Variants in ZNF557 observed in about 807,000 individuals in gnomAD.
ZNF557 encodes zinc finger protein 557.
A neutral mutation model predicts 21.2 loss-of-function variants in ZNF557; 19 were observed. The ratio of observed to expected loss-of-function variants is 0.90; its 90% CI spans 0.63 to 1.32. The LOEUF (loss-of-function observed/expected upper bound fraction) is 1.32. ZNF557 is among the 40% of genes most tolerant of loss of function. The pLI, the probability that ZNF557 is intolerant of heterozygous loss-of-function variation, is 0.00. For synonymous variants in ZNF557, 207 were observed against 194.8 expected (o/e 1.06, Z -0.52); for missense variants, 487 against 519.8 (o/e 0.94, Z 0.61).
At chr19:7,072,280 T>C (rs879844177) in intron 2 of ZNF557, among the ~76,000 whole-genome samples, 7 of 150,414 alleles carry the variant, frequency 4.7e-5, no homozygotes, top group Non-Finnish European at 8.9e-5. Context: ...AAAAATTAGC[T>C]GGGCATGGTG....
chr19:7,081,419 A>G lies in ZNF557; in HGVS notation c.307A>G (p.Thr103Ala), dbSNP rs538697582. 3.7e-6 allele frequency: 6 copies of G among 1,613,954 alleles called. No individual in the cohort carries two copies. The African/African-American group carries it at 6.7e-5, about 18-fold the overall frequency. The change falls in exon 6 of 8, where the codon ACA becomes GCA. Residue 103 changes from threonine (T) to alanine (A), a missense_variant. Thr to Ala is a moderately conservative substitution (Grantham distance 58). Coordinates refer to ENST00000252840, the MANE Select transcript of ZNF557 (RefSeq NM_024341.3). ...GCTGGAGCAAGAAGATAAAGTGATG[A>G]CAGAAGAGAGAGGAATTCTCTCAGG... is the stretch of plus-strand genomic sequence containing the variant. ...SQLEQEDKVM[T>A]EERGILSGTC...
intron 2 of ZNF557, among the ~76,000 whole-genome samples, chr19:7,071,002 G>A (rs1977446841): frequency 6.6e-6 from 1 of 152,074 alleles, no homozygotes; most frequent in South Asian, 2.1e-4. Flanking sequence ...CTGACTTCAG[G>A]TGATCCACCC....
Position 7,078,453 on chromosome 19 carries a change from C to T in ZNF557, c.247+1946C>T, listed in dbSNP as rs534543625. Among the ~76,000 whole-genome samples the T allele has an allele frequency of 1.3e-4, 20 of 148,636 alleles. 1 individual carries two copies. In the South Asian group the frequency reaches 2.8e-3, roughly 21 times the overall value. On this transcript the variant is annotated intron_variant, in intron 5 of 7. Coordinates refer to ENST00000252840, the MANE Select transcript of ZNF557 (RefSeq NM_024341.3). ...TATATTCCTTTTTTTTTTTTTTTCC[C>T]GGAGTCTCACTCTGTCGCCCAGGCT...
At chr19:7,072,165 T>A (rs1051300809) in intron 2 of ZNF557, among the ~76,000 whole-genome samples, 6 of 145,808 alleles carry the variant, frequency 4.1e-5, no homozygotes. Flanking sequence ...GGCTCACACC[T>A]GTAATCCCAC....
chr19:7,083,457 A>G lies in ZNF557; in HGVS notation c.1006A>G (p.Thr336Ala). ...AACCTTCAGGAGGAGGTCGAATCTG[A>G]CACAGCACATAAGAACTCATACTGG... ...GRTFRRRSNL[T>A]QHIRTHTGEK... Residue 336 changes from threonine (T) to alanine (A), a missense_variant, in exon 8 of 8, where the codon ACA (threonine) becomes GCA (alanine). Physicochemically the swap from Thr to Ala is moderately conservative, Grantham distance 58 (BLOSUM62 0). Coordinates refer to ENST00000252840, the MANE Select transcript of ZNF557 (RefSeq NM_024341.3). The G allele has an allele frequency of 1.9e-6, 3 of 1,614,208 alleles. No individual in the cohort carries two copies. The highest frequency in any genetic ancestry group is 2.5e-6 in the Non-Finnish European group (3 of 1,180,028).
At chr19:7,075,220 GC>G in intron 3 of ZNF557, 115 bp downstream of exon 3, 1 of 1,442,924 alleles carries the variant, frequency 6.9e-7, no homozygotes, top group Non-Finnish European at 9.7e-7. Flanking sequence ...AGCCCCAGGG[GC>G]CCAGAGGTCC....
At chr19:7,076,582 G>A in intron 5 of ZNF557, 75 bp downstream of exon 5, 2 of 1,558,054 alleles carry the variant, frequency 1.3e-6, no homozygotes, top group Non-Finnish European at 1.7e-6. Flanking sequence ...TTAAATTGAG[G>A]TAACACAGGA....
In ZNF557 at chr19:7,083,651, A is replaced by G. The variant is rs768002557; in HGVS notation, c.1200A>G (p.Gly400=). ...AGAAACACATGAGAACTCACACTGG[A>G]AAAAAACCCTATGAATGTAATTATT... ...SVKKHMRTHT[G]KKPYECNYCG... Residue 400 remains glycine (G), a synonymous_variant, in exon 8 of 8, where the codon GGA becomes GGG. Coordinates refer to ENST00000252840, the MANE Select transcript of ZNF557 (RefSeq NM_024341.3). 3 of 1,613,280 alleles carry G rather than the reference A, an allele frequency of 1.9e-6. No homozygotes were observed. The highest frequency in any genetic ancestry group is 2.2e-5 in the East Asian group (1 of 44,856).
rs1447985486 is a variant in ZNF557, at chr19:7,084,316, G to A, written c.*572G>A. On this transcript the variant is annotated 3_prime_UTR_variant, in exon 8 of 8. Coordinates refer to ENST00000252840, the MANE Select transcript of ZNF557 (RefSeq NM_024341.3). Reference sequence around the variant, plus strand: ...ACATTTGGAACCATCTGGAAAACTTGCCATGAAATCAGTGGAGGAAAGCCT... The same window carrying A: ...ACATTTGGAACCATCTGGAAAACTTACCATGAAATCAGTGGAGGAAAGCCT... The A allele has an allele frequency of 6.6e-6, 1 of 152,334 alleles. No homozygotes were observed. Among genetic ancestry groups the A allele is most frequent in the African/African-American group, 2.4e-5 (1 of 41,362 alleles). The allele number at this position is 152,334 out of a possible 1,614,324, so 9.4% of individuals were successfully genotyped here.
At chr19:7,073,148 G>GTTTTTTTTTT (rs72453814) in intron 2 of ZNF557, among the ~76,000 whole-genome samples, 2 of 45,376 alleles carry the variant, frequency 4.4e-5, no homozygotes, top group Non-Finnish European at 5.3e-5. Context: ...TGTTTTTTTG[G>GTTTTTTTTTT]TTTTTTTTGT....
chr19:7,083,363 G>T lies in ZNF557; in HGVS notation c.912G>T (p.Arg304Ser). 2.5e-6 allele frequency: 4 copies of T among 1,614,218 alleles called. No homozygotes were observed. Among genetic ancestry groups the T allele is most frequent in the Non-Finnish European group, 3.4e-6 (4 of 1,180,046 alleles). The change falls in exon 8 of 8, where the codon AGG becomes AGT. Residue 304 changes from arginine to serine, a missense_variant. Physicochemically the swap from Arg to Ser is moderately radical, Grantham distance 110. Transcript: ENST00000252840. Reference protein sequence around the residue: ...CNQCGKAFGTRSSLSSHYSIH... With the variant: ...CNQCGKAFGTSSSLSSHYSIH... The stretch of plus-strand genomic sequence containing the variant: ...AGTGTGGAAAGGCTTTCGGCACGAG[G>T]TCATCTCTTTCTTCGCACTATAGCA...
chr19:7,072,948 A>G (rs1042997886), intron 2 of ZNF557, among the ~76,000 whole-genome samples: 1 of 152,068 alleles, frequency 6.6e-6, no homozygotes, highest in East Asian at 1.9e-4. Context: ...TGCAGAAGGG[A>G]TTTGAGAGGA....
Position 7,087,452 on chromosome 19 carries a change from A to G in ZNF557, c.*3708A>G, listed in dbSNP as rs1268026015. On this transcript the variant is annotated 3_prime_UTR_variant, in exon 8 of 8. Transcript: ENST00000252840. ...CTACTTGGAAGGCTGAGGCAGGAGA[A>G]TTGCTTCAAACTGGGCAGAGGTTGC... 6 of 151,346 alleles carry G rather than the reference A, an allele frequency of 4.0e-5. No homozygotes were observed. The highest frequency in any genetic ancestry group is 7.3e-5 in the African/African-American group (3 of 41,212). 9.4% of individuals were successfully genotyped at this position (151,346 alleles called of 1,614,324 possible).
At chr19:7,075,818 T>C in intron 4 of ZNF557, 75 bp downstream of exon 4, 2 of 1,569,154 alleles carry the variant, frequency 1.3e-6, no homozygotes, top group Non-Finnish European at 1.7e-6. Context: ...TTCAGTGGCC[T>C]GGAGCCCCAC....
At chr19:7,073,157 G>GTTTTTTTTT (rs552141577) in intron 2 of ZNF557, among the ~76,000 whole-genome samples, 1 of 136,072 alleles carries the variant, frequency 7.3e-6, no homozygotes, top group Non-Finnish European at 1.5e-5. Flanking sequence ...GGTTTTTTTT[G>GTTTTTTTTT]TTTTTTTTTT....
chr19:7,081,483 G>C, intron 6 of ZNF557, 28 bp downstream of exon 6: 1 of 1,478,042 alleles, frequency 6.8e-7, no homozygotes, highest in South Asian at 1.1e-5. Context: ...ATAAGTCCTT[G>C]TGAGGAACAG....
In ZNF557 at chr19:7,083,108, C is replaced by T. The variant is rs879041009; in HGVS notation, c.657C>T (p.Ser219=). ...ATGACTGTGGGAAAACCTTCAGCAGCAGATCTTACCTTACTGTTCATAAGA... is the reference window on the plus strand; with the variant it reads ...ATGACTGTGGGAAAACCTTCAGCAGTAGATCTTACCTTACTGTTCATAAGA... ...ECNDCGKTFS[S]RSYLTVHKRI... Residue 219 remains serine (S), a synonymous_variant, in exon 8 of 8, where the codon AGC becomes AGT. Coordinates refer to ENST00000252840, the MANE Select transcript of ZNF557 (RefSeq NM_024341.3). 6.2e-7 allele frequency: 1 copy of T among 1,613,722 alleles called. No individual in the cohort carries two copies.
chr19:7,074,298 G>T (rs542283351), intron 2 of ZNF557, among the ~76,000 whole-genome samples: 1 of 147,446 alleles, frequency 6.8e-6, no homozygotes, highest in African/African-American at 2.5e-5. Context: ...GAGCCACCGC[G>T]CCTGGCCAGC....
chr19:7,075,585 G>A, intron 3 of ZNF557, 70 bp from the exon 4 acceptor site: 1 of 1,510,284 alleles, frequency 6.6e-7, no homozygotes, highest in Non-Finnish European at 9.1e-7. Context: ...AGGCAGGTGG[G>A]GAAGCCTCCA....
Sources: allele counts gnomAD v4.1 joint callset (sites outside exome capture counted in the v4.1 genomes callset), GRCh38; gene constraint gnomAD v4.1.1; transcripts MANE v1.5; gene names NCBI Gene and HGNC (gene_info 2026-07-23, HGNC 2026-07-21).